WARS2: variants seen among roughly 807,000 people sequenced by gnomAD.
WARS2 encodes tryptophanyl tRNA synthetase 2, mitochondrial, also known as tryptophan--tRNA ligase, mitochondrial.
WARS2 carries 28 observed loss-of-function variants against 36.5 expected under a neutral mutation model. The ratio of observed to expected loss-of-function variants is 0.77; its 90% CI spans 0.57 to 1.05. The LOEUF (loss-of-function observed/expected upper bound fraction) is 1.05. Ranked by LOEUF, WARS2 falls within the 50% of genes least tolerant of loss-of-function variation. The pLI, the probability that WARS2 is intolerant of heterozygous loss-of-function variation, is 0.00. For missense variants in WARS2, 435 were observed against 456.8 expected, an observed-to-expected ratio of 0.95 and a Z score of 0.44; for synonymous variants, 174 against 178.4, an observed-to-expected ratio of 0.98 and a Z score of 0.20.
At chr1:119,134,146 CAGTG>C (rs1379607689) in intron 1 of WARS2, among the ~76,000 whole-genome samples, 3 of 151,790 alleles carry the variant, frequency 2.0e-5, no homozygotes, top group African/African-American at 7.3e-5. Context: ...GCTCCATCCT[CAGTG>C]AGTCACAATC....
At chr1:119,085,989 T>G in intron 1 of WARS2, 1 of 1,604,464 alleles carries the variant, frequency 6.2e-7, no homozygotes, top group Non-Finnish European at 8.5e-7. Flanking sequence ...CAGGTATCAG[T>G]GCCCAGGCAA....
chr1:119,075,325 G>A (rs587656874), intron 2 of WARS2, among the ~76,000 whole-genome samples: 15 of 152,204 alleles, frequency 9.9e-5, no homozygotes, highest in Admixed American at 3.3e-4. Context: ...TAAAGTATAC[G>A]AGAGAGTATG....
chr1:119,121,389 T>C (rs752377748), intron 1 of WARS2, among the ~76,000 whole-genome samples: 3 of 151,988 alleles, frequency 2.0e-5, no homozygotes, highest in Non-Finnish European at 2.9e-5. Context: ...AAGGAAATCA[T>C]AGATGACACA....
At chr1:119,052,427 C>G (rs189556083) in intron 2 of WARS2, among the ~76,000 whole-genome samples, 10 of 152,272 alleles carry the variant, frequency 6.6e-5, no homozygotes, top group African/African-American at 2.4e-4. Context: ...CATGACAAAT[C>G]CCCTTAACAG....
chr1:119,106,099 T>C (rs1334193232), intron 1 of WARS2, among the ~76,000 whole-genome samples: 1 of 152,198 alleles, frequency 6.6e-6, no homozygotes, highest in Non-Finnish European at 1.5e-5. Flanking sequence ...CAACTTGGAA[T>C]AGGCTGTTTT....
At chr1:119,057,726 G>T (rs998188825) in intron 2 of WARS2, among the ~76,000 whole-genome samples, 1 of 151,400 alleles carries the variant, frequency 6.6e-6, no homozygotes, top group Non-Finnish European at 1.5e-5. Context: ...GGAGGCAGAG[G>T]TTTCAGTGAG....
intron 1 of WARS2, among the ~76,000 whole-genome samples, chr1:119,083,483 T>A (rs587617503): frequency 1.3e-5 from 2 of 152,352 alleles, no homozygotes; most frequent in African/African-American, 4.8e-5. Flanking sequence ...TATTTTGTTA[T>A]AGCAGCACAA....
chr1:119,128,397 T>C (rs896720226), intron 1 of WARS2, among the ~76,000 whole-genome samples: 2 of 152,074 alleles, frequency 1.3e-5, no homozygotes, highest in African/African-American at 4.8e-5. Context: ...CATGTCACTA[T>C]CTTGCTCTTC....
At chr1:119,080,643 A>T (rs1652115575) in intron 1 of WARS2, among the ~76,000 whole-genome samples, 1 of 152,170 alleles carries the variant, frequency 6.6e-6, no homozygotes, top group Non-Finnish European at 1.5e-5. Context: ...CAGTGAGTTT[A>T]TGTTCCCGTC....
intron 1 of WARS2, among the ~76,000 whole-genome samples, chr1:119,137,827 T>A (rs1477688788): frequency 6.6e-6 from 1 of 152,190 alleles, no homozygotes; most frequent in Non-Finnish European, 1.5e-5. Flanking sequence ...CCTGTTTTAT[T>A]TTCAACTTGA....
chr1:119,107,370 A>C (rs1241275021), intron 1 of WARS2, among the ~76,000 whole-genome samples: 1 of 152,142 alleles, frequency 6.6e-6, no homozygotes, highest in East Asian at 1.9e-4. Context: ...AAAGTCATGT[A>C]AACTTTATCC....
intron 4 of WARS2, among the ~76,000 whole-genome samples, chr1:119,040,300 G>A (rs1015770182): frequency 6.6e-6 from 1 of 152,202 alleles, no homozygotes; most frequent in Non-Finnish European, 1.5e-5. Context: ...AATTAAAGAA[G>A]AGGCTCCTTA....
chr1:119,112,306 G>GTT (rs1654696499), intron 1 of WARS2, among the ~76,000 whole-genome samples: 1 of 152,140 alleles, frequency 6.6e-6, no homozygotes, highest in Non-Finnish European at 1.5e-5. Context: ...TATTAGAAAA[G>GTT]TTTACCATGA....
At chr1:119,045,934 A>T (rs1648771663) in intron 2 of WARS2, among the ~76,000 whole-genome samples, 1 of 152,186 alleles carries the variant, frequency 6.6e-6, no homozygotes, top group South Asian at 2.1e-4. Context: ...CTTCAGTGAG[A>T]AAGTTTCATG....
At chr1:119,128,738 A>G (rs1655874664) in intron 1 of WARS2, among the ~76,000 whole-genome samples, 1 of 152,022 alleles carries the variant, frequency 6.6e-6, no homozygotes, top group African/African-American at 2.4e-5. Context: ...CTCGTTCCCC[A>G]TTCCTTCTAA....
At chr1:119,123,933 G>A (rs1655489757) in intron 1 of WARS2, among the ~76,000 whole-genome samples, 1 of 152,040 alleles carries the variant, frequency 6.6e-6, no homozygotes, top group Admixed American at 6.6e-5. Context: ...CTGAGCTTTG[G>A]TCTCACATAT....
At chr1:119,057,625 A>G (rs1177344684) in intron 2 of WARS2, among the ~76,000 whole-genome samples, 1 of 151,828 alleles carries the variant, frequency 6.6e-6, no homozygotes, top group Non-Finnish European at 1.5e-5. Context: ...CCCCGTCTCT[A>G]CTAACAATAT....
chr1:119,042,811 T>C (rs540308558), intron 3 of WARS2, among the ~76,000 whole-genome samples: 4 of 152,162 alleles, frequency 2.6e-5, no homozygotes, highest in Non-Finnish European at 5.9e-5. Flanking sequence ...AATGTTCCCT[T>C]AAAATCACAT....
rs587727883 is a variant in WARS2 at position 119,136,924 on chromosome 1, C to T, written c.90+3631G>A. Among the ~76,000 whole-genome samples, 9 of 152,274 alleles carry T rather than the reference C, an allele frequency of 5.9e-5. No homozygotes were observed. In the South Asian group the frequency reaches 6.2e-4, roughly 11 times the overall value. ...GGTATTCTTGCCAAAAATCCATAAC[C>T]TCAGTCTAAACACAAAGAAAAATCA... On this transcript the variant is annotated intron_variant, in intron 1 of 5. Transcript: ENST00000235521.
Sources: gnomAD v4.1 joint callset for allele counts (sites outside exome capture counted in the v4.1 genomes callset) on GRCh38, gnomAD v4.1.1 for gene constraint, MANE v1.5 for transcripts, NCBI Gene and HGNC (gene_info 2026-07-23, HGNC 2026-07-21) for gene names.